NCOR1: variants seen among roughly 807,000 people sequenced by gnomAD.
The protein encoded by NCOR1 is protein phosphatase 1, regulatory subunit 109.
Under a neutral mutation model 288.1 loss-of-function variants are expected in NCOR1, and 63 were observed. The ratio of observed to expected loss-of-function variants is 0.22; its 90% CI spans 0.18 to 0.27. NCOR1 has a LOEUF of 0.27. Among genes scored for constraint, NCOR1 ranks in the 10% least tolerant of loss-of-function variants. The pLI, the probability that NCOR1 is intolerant of heterozygous loss-of-function variation, is 1.00. For missense variants in NCOR1, 2,397 were observed against 3,019.2 expected (o/e 0.79, Z 4.83); for synonymous variants, 1,007 against 1,065.9 (o/e 0.94, Z 1.08).
intron 4 of NCOR1, among the ~76,000 whole-genome samples, chr17:16,170,309 T>C (rs1599844061): frequency 6.6e-6 from 1 of 152,026 alleles, no homozygotes; most frequent in Non-Finnish European, 1.5e-5. Context: ...AGAAAAAAGA[T>C]TTGATGGCAG....
At chr17:16,169,202 T>C (rs1171525757) in intron 4 of NCOR1, among the ~76,000 whole-genome samples, 1 of 152,150 alleles carries the variant, frequency 6.6e-6, no homozygotes, top group Non-Finnish European at 1.5e-5. Context: ...CATTAAAATA[T>C]TCATACGGGC....
intron 1 of NCOR1, among the ~76,000 whole-genome samples, chr17:16,207,115 C>A (rs1722807983): frequency 6.6e-6 from 1 of 152,120 alleles, no homozygotes; most frequent in Admixed American, 6.5e-5. Context: ...GTTTTGATTT[C>A]ATTCCAAATA....
intron 4 of NCOR1, among the ~76,000 whole-genome samples, chr17:16,171,288 TTTTTCCTC>T (rs2083100726): frequency 6.6e-6 from 1 of 152,090 alleles, no homozygotes; most frequent in South Asian, 2.1e-4. Flanking sequence ...ACAGGTAACT[TTTTTCCTC>T]TTTATTTTCC....
chr17:16,159,949 C>A (rs1159346494), intron 5 of NCOR1, among the ~76,000 whole-genome samples: 2 of 151,898 alleles, frequency 1.3e-5, no homozygotes, highest in Non-Finnish European at 2.9e-5. Context: ...CCTGCCTCAG[C>A]CTCCTGAGTA....
chr17:16,080,253 C>T (rs2063196156), intron 25 of NCOR1, 155 bp downstream of exon 25: 1 of 826,482 alleles, frequency 1.2e-6, no homozygotes, highest in Non-Finnish European at 1.8e-6. Context: ...CATGGAACTT[C>T]AAGGTTTTAA....
chr17:16,039,719 T>C, intron 43 of NCOR1, 65 bp from the exon 44 acceptor site: 1 of 1,392,680 alleles, frequency 7.2e-7, no homozygotes, highest in Non-Finnish European at 1.0e-6. Flanking sequence ...AAACATGCAT[T>C]GCCCCATCAG....
chr17:16,173,826 G>A (rs2153473704), intron 3 of NCOR1, among the ~76,000 whole-genome samples: 1 of 152,142 alleles, frequency 6.6e-6, no homozygotes, highest in Non-Finnish European at 1.5e-5. Flanking sequence ...AGCTACTCGG[G>A]AGGCTGAGGC....
chr17:16,049,715 A>C (rs2059088343), intron 40 of NCOR1, among the ~76,000 whole-genome samples: 1 of 151,394 alleles, frequency 6.6e-6, no homozygotes, highest in Non-Finnish European at 1.5e-5. Flanking sequence ...GAGCAGCTGG[A>C]ATTGGAATTA....
chr17:16,051,653 TG>T (rs2059323241), intron 40 of NCOR1, among the ~76,000 whole-genome samples: 1 of 152,134 alleles, frequency 6.6e-6, no homozygotes, highest in South Asian at 2.1e-4. Flanking sequence ...GGCTCACACC[TG>T]TAATCCCAGC....
rs1017502854 is a variant in NCOR1 at position 16,080,371 on chromosome 17, C to CA, written c.3400+36dup. On this transcript the variant is annotated intron_variant, in intron 25 of 45. Coordinates refer to ENST00000268712, the MANE Select transcript of NCOR1 (RefSeq NM_006311.4). ...CTTACTTTAATAAATTTATTGGGGA[C>CA]AAAAGTTTAACATTTCTGCCAACCA... 16 of 1,525,420 alleles carry CA rather than the reference C, an allele frequency of 1.0e-5. No individual in the cohort carries two copies. The African/African-American group carries it at 2.1e-4, about 20-fold the overall frequency. 94.5% of individuals were successfully genotyped at this position (1,525,420 alleles called of 1,614,324 possible). A position where few individuals can be genotyped will look rare whatever the true frequency, so the allele number is the denominator to read the frequency against.
At chr17:16,187,417 A>ATATT (rs1390643651) in intron 2 of NCOR1, among the ~76,000 whole-genome samples, 3 of 152,000 alleles carry the variant, frequency 2.0e-5, no homozygotes, top group Non-Finnish European at 4.4e-5. Flanking sequence ...AACAACCAAA[A>ATATT]TGTCCATCAA....
intron 1 of NCOR1, among the ~76,000 whole-genome samples, chr17:16,196,433 G>A (rs2089809303): frequency 6.6e-6 from 1 of 152,184 alleles, no homozygotes; most frequent in Non-Finnish European, 1.5e-5. Flanking sequence ...ACTTTGGGAA[G>A]TCAAGATCAG....
chr17:16,041,535 T>A (rs544974502), intron 42 of NCOR1, among the ~76,000 whole-genome samples: 1 of 139,194 alleles, frequency 7.2e-6, no homozygotes, highest in East Asian at 2.3e-4. Context: ...TGCCTCAGCC[T>A]CCCGAGCAGC....
At chr17:16,152,712 C>T (rs1599519639) in intron 7 of NCOR1, among the ~76,000 whole-genome samples, 1 of 152,090 alleles carries the variant, frequency 6.6e-6, no homozygotes, top group East Asian at 1.9e-4. Context: ...AGTTCTAGAT[C>T]CTTGAGGAAT....
intron 19 of NCOR1, among the ~76,000 whole-genome samples, chr17:16,106,120 A>G (rs2068584109): frequency 6.6e-6 from 1 of 152,068 alleles, no homozygotes; most frequent in African/African-American, 2.4e-5. Flanking sequence ...CAAACAAACC[A>G]ACAAACAAAA....
At chr17:16,191,591 A>T (rs1052683451) in intron 2 of NCOR1, among the ~76,000 whole-genome samples, 5 of 37,980 alleles carry the variant, frequency 1.3e-4, no homozygotes, top group East Asian at 2.8e-4. Context: ...TAATGGATTT[A>T]AAAAAAATAA....
chr17:16,085,217 C>T (rs934501527), intron 23 of NCOR1, among the ~76,000 whole-genome samples: 2 of 152,110 alleles, frequency 1.3e-5, no homozygotes, highest in African/African-American at 2.4e-5. Context: ...AATACAACCA[C>T]AATAAGATAT....
intron 6 of NCOR1, among the ~76,000 whole-genome samples, chr17:16,156,765 A>G (rs2079877547): frequency 6.6e-6 from 1 of 152,120 alleles, no homozygotes; most frequent in South Asian, 2.1e-4. Context: ...AAGAAACACT[A>G]TACTAATTAA....
intron 1 of NCOR1, among the ~76,000 whole-genome samples, chr17:16,200,271 A>C (rs2090588120): frequency 6.6e-6 from 1 of 152,008 alleles, no homozygotes; most frequent in South Asian, 2.1e-4. Context: ...GCGGATCACA[A>C]GGTCAGGAGA....
Sources: allele counts gnomAD v4.1 joint callset (sites outside exome capture counted in the v4.1 genomes callset), GRCh38; gene constraint gnomAD v4.1.1; transcripts MANE v1.5; gene names NCBI Gene and HGNC (gene_info 2026-07-23, HGNC 2026-07-21).